Variants in N4BP2L2 observed in about 807,000 individuals in gnomAD.
N4BP2L2 encodes the protein NEDD4-binding protein 2-like 2.
N4BP2L2 carries 50 observed loss-of-function variants against 56.2 expected under a neutral mutation model. The observed-to-expected ratio is 0.89, with a 90% confidence interval of 0.71 to 1.13. The LOEUF is 1.13. N4BP2L2 is among the 50% of genes most tolerant of loss of function. The pLI is 0.00. For missense variants in N4BP2L2, 689 were observed against 693.8 expected (o/e 0.99, Z 0.08); for synonymous variants, 203 against 223.6 (o/e 0.91, Z 0.82).
chr13:32,475,303 T>C (rs555962000), intron 6 of N4BP2L2, among the ~76,000 whole-genome samples: 1 of 152,264 alleles, frequency 6.6e-6, no homozygotes, highest in Admixed American at 6.5e-5. Context: ...ATTCAGGACA[T>C]GGGCACACAC....
At chr13:32,448,908 C>T (rs1002912864) in intron 6 of N4BP2L2, among the ~76,000 whole-genome samples, 43 of 152,168 alleles carry the variant, frequency 2.8e-4, no homozygotes, top group African/African-American at 1.0e-3. Context: ...TCAGTAATAG[C>T]GAAGTCCAGG....
chr13:32,447,360 A>C (rs977093396), intron 6 of N4BP2L2, among the ~76,000 whole-genome samples: 3 of 151,778 alleles, frequency 2.0e-5, no homozygotes, highest in African/African-American at 7.3e-5. Flanking sequence ...GATGGCCCAC[A>C]GCTGAGATCA....
chr13:32,471,582 G>A (rs535202619), intron 6 of N4BP2L2, among the ~76,000 whole-genome samples: 6 of 152,358 alleles, frequency 3.9e-5, no homozygotes, highest in Admixed American at 6.5e-5. Flanking sequence ...GGCTCGGCTC[G>A]TCTTGCACCC....
chr13:32,517,625 A>C, exon 6 of N4BP2L2: 2 of 1,394,234 alleles, frequency 1.4e-6, no homozygotes, highest in Non-Finnish European at 1.9e-6. Context: ...TTAAAATACA[A>C]TTTCATATAT....
At chr13:32,462,014 A>G (rs2080184205) in intron 6 of N4BP2L2, among the ~76,000 whole-genome samples, 1 of 152,256 alleles carries the variant, frequency 6.6e-6, no homozygotes, top group Non-Finnish European at 1.5e-5. Flanking sequence ...TAGCACAGCC[A>G]TTATTGAAAA....
intron 6 of N4BP2L2, among the ~76,000 whole-genome samples, chr13:32,499,653 A>G (rs964245501): frequency 6.6e-6 from 1 of 152,188 alleles, no homozygotes; most frequent in Admixed American, 6.5e-5. Flanking sequence ...TCTCTGCTCT[A>G]TACCTTGGCT....
intron 6 of N4BP2L2, among the ~76,000 whole-genome samples, chr13:32,465,598 G>A (rs1474176142): frequency 6.6e-6 from 1 of 152,144 alleles, no homozygotes; most frequent in Non-Finnish European, 1.5e-5. Context: ...AATGCACACT[G>A]TAAAAGCATA....
downstream of N4BP2L2, chr13:32,509,465 T>C (rs190218588): frequency 6.6e-6 from 1 of 152,208 alleles, no homozygotes; most frequent in Non-Finnish European, 1.5e-5. Context: ...ATCAAAAGTT[T>C]GTTGACTGTT....
intron 2 of N4BP2L2, among the ~76,000 whole-genome samples, chr13:32,530,520 TA>T (rs1367199624): frequency 6.6e-6 from 1 of 152,186 alleles, no homozygotes; most frequent in Admixed American, 6.5e-5. Context: ...ATATCTAATT[TA>T]AAAAAATCAA....
At chr13:32,519,571 G>C (rs542762670) in intron 5 of N4BP2L2, among the ~76,000 whole-genome samples, 1 of 152,026 alleles carries the variant, frequency 6.6e-6, no homozygotes, top group African/African-American at 2.4e-5. Context: ...CAGGGGAATC[G>C]CTTGAACCTG....
At chr13:32,532,286 T>C (rs866608306) in intron 2 of N4BP2L2, among the ~76,000 whole-genome samples, 14 of 152,200 alleles carry the variant, frequency 9.2e-5, no homozygotes, top group African/African-American at 3.4e-4. Context: ...TTCCCTCACT[T>C]TTCATTTATT....
chr13:32,487,575 G>A (rs957825151), intron 6 of N4BP2L2, among the ~76,000 whole-genome samples: 3 of 151,574 alleles, frequency 2.0e-5, no homozygotes, highest in Non-Finnish European at 2.9e-5. Flanking sequence ...GGGAGGCTGA[G>A]GCAGGACAAT....
At chr13:32,473,983 T>C (rs2082781657) in intron 6 of N4BP2L2, among the ~76,000 whole-genome samples, 1 of 152,248 alleles carries the variant, frequency 6.6e-6, no homozygotes, top group Admixed American at 6.5e-5. Flanking sequence ...TTATTCTGCT[T>C]ACTACAAATA....
intron 6 of N4BP2L2, among the ~76,000 whole-genome samples, chr13:32,453,685 C>G (rs1032879430): frequency 6.6e-5 from 10 of 152,206 alleles, no homozygotes; most frequent in Admixed American, 2.6e-4. Flanking sequence ...CTGGCCCCAT[C>G]TACTGCTCTC....
chr13:32,459,205 C>A (rs2079536405), intron 6 of N4BP2L2, among the ~76,000 whole-genome samples: 1 of 151,866 alleles, frequency 6.6e-6, no homozygotes. Flanking sequence ...TTCAAATAAC[C>A]AATCTAATGA....
In N4BP2L2 at chr13:32,465,265, C is replaced by T. The variant is rs374494671; in HGVS notation, c.366-21139G>A. 1.1e-4 allele frequency among the ~76,000 whole-genome samples: 17 copies of T among 151,800 alleles called. No individual in the cohort carries two copies. In the East Asian group the frequency reaches 1.4e-3, roughly 12 times the overall value. ...CAGGTGTGAGGCACTGTGCCCAGCC[C>T]GAATCTAGAAAAAATTCTTCTTCAC... On this transcript the variant is annotated intron_variant, in intron 6 of 9. Coordinates refer to the N4BP2L2 transcript ENST00000357505.
chr13:32,489,300 C>T (rs1009729389), intron 6 of N4BP2L2, among the ~76,000 whole-genome samples: 5 of 152,132 alleles, frequency 3.3e-5, no homozygotes, highest in African/African-American at 4.8e-5. Flanking sequence ...CTGTCATGTA[C>T]GCTGTTTTTA....
intron 6 of N4BP2L2, among the ~76,000 whole-genome samples, chr13:32,471,713 G>C (rs1331734589): frequency 6.6e-6 from 1 of 152,270 alleles, no homozygotes; most frequent in African/African-American, 2.4e-5. Flanking sequence ...GATAAAAGCA[G>C]TGTGAGAGAG....
At chr13:32,443,982 A>C (rs1181680220) in exon 7 of N4BP2L2, 1 of 1,607,846 alleles carries the variant, frequency 6.2e-7, no homozygotes, top group African/African-American at 1.3e-5. Flanking sequence ...ATGGGTCCTG[A>C]TCTCCCGGTG....
Sources: allele counts gnomAD v4.1 joint callset (sites outside exome capture counted in the v4.1 genomes callset), GRCh38; gene constraint gnomAD v4.1.1; transcripts MANE v1.5; gene names NCBI Gene and HGNC (gene_info 2026-07-23, HGNC 2026-07-21).